CHD6: variants seen among roughly 807,000 people sequenced by gnomAD.
The protein encoded by CHD6 is chromodomain helicase DNA binding protein 6, also known as ATP-dependent chromatin remodeler CHD6.
Under a neutral mutation model 276.9 loss-of-function variants are expected in CHD6, and 50 were observed. The ratio of observed to expected loss-of-function variants is 0.18; its 90% CI spans 0.14 to 0.23. CHD6 has a LOEUF of 0.23. Among genes scored for constraint, CHD6 ranks in the 10% least tolerant of loss-of-function variants. The probability of loss-of-function intolerance (pLI) is 1.00; values close to 1 mark genes in which losing one functional copy is unlikely to be tolerated. For missense variants in CHD6, 2,564 were observed against 3,365.8 expected (o/e 0.76, Z 5.89); for synonymous variants, 1,173 against 1,229.3 (o/e 0.95, Z 0.96).
At chr20:41,483,200 C>T in intron 16 of CHD6, 109 bp downstream of exon 16, 1 of 937,056 alleles carries the variant, frequency 1.1e-6, no homozygotes. Flanking sequence ...TTCCTTTCCT[C>T]CGTTTTTGAA....
Position 41,534,224 on chromosome 20 carries a change from ATAACT to A in CHD6, c.34-659_34-655del, listed in dbSNP as rs1324574027. On this transcript the variant is annotated intron_variant, in intron 2 of 36. Transcript: ENST00000373233. ...CTTCTCCTTGGTCTGGAACAAAGAA[ATAACT>A]TAAGAAGAGCCTGGGAGGGACAAGC... 5.3e-5 allele frequency among the ~76,000 whole-genome samples: 8 copies of A among 152,364 alleles called. No individual in the cohort carries two copies. In the East Asian group the frequency reaches 1.3e-3, roughly 26 times the overall value.
intron 1 of CHD6, among the ~76,000 whole-genome samples, chr20:41,591,619 G>A (rs1288821771): frequency 6.6e-6 from 1 of 152,080 alleles, no homozygotes; most frequent in Non-Finnish European, 1.5e-5. Flanking sequence ...CTTGAACCCG[G>A]GAGGCGGAGG....
intron 5 of CHD6, among the ~76,000 whole-genome samples, chr20:41,507,723 AAAG>A (rs2044011085): frequency 6.6e-6 from 1 of 152,170 alleles, no homozygotes; most frequent in African/African-American, 2.4e-5. Context: ...ATTATCCTTC[AAAG>A]AAGACCATTT....
intron 2 of CHD6, chr20:41,547,458 G>A (rs1463523859): frequency 5.9e-6 from 2 of 339,934 alleles, no homozygotes; most frequent in South Asian, 5.2e-5. Context: ...GATTAGAGTC[G>A]TATACCTGAG....
At chr20:41,544,661 TTAA>T (rs1039094004) in intron 2 of CHD6, among the ~76,000 whole-genome samples, 7 of 150,404 alleles carry the variant, frequency 4.7e-5, no homozygotes, top group African/African-American at 1.2e-4. Context: ...TATAAATATT[TTAA>T]TGTTAATATT....
chr20:41,477,776 T>C (rs774771571), intron 16 of CHD6, among the ~76,000 whole-genome samples: 9 of 152,168 alleles, frequency 5.9e-5, no homozygotes, highest in Admixed American at 1.3e-4. Context: ...GGATCAAACA[T>C]TGGTGGCACT....
At chr20:41,583,081 AG>A (rs929753519) in intron 1 of CHD6, among the ~76,000 whole-genome samples, 3 of 152,076 alleles carry the variant, frequency 2.0e-5, no homozygotes, top group South Asian at 2.1e-4. Flanking sequence ...AGTATTTGGC[AG>A]GGGGGAAAAA....
rs2047934484 is a variant in CHD6, at chr20:41,442,600, C to A, written c.3878-2471G>T. 2.6e-5 allele frequency among the ~76,000 whole-genome samples: 4 copies of A among 152,196 alleles called. 1 individual carries two copies. The highest frequency in any genetic ancestry group is 2.6e-4 in the Admixed American group (4 of 15,284). Reference sequence around the variant, plus strand: ...ACACAATATCCCTGAAAAGTGAACACTAGACAGACTGGCTTTCTGAAAATG... The same window carrying A: ...ACACAATATCCCTGAAAAGTGAACAATAGACAGACTGGCTTTCTGAAAATG... On this transcript the variant is annotated intron_variant, in intron 25 of 36. Coordinates refer to ENST00000373233, the MANE Select transcript of CHD6 (RefSeq NM_032221.5).
chr20:41,440,688 CAG>C (rs1380399776), intron 25 of CHD6, among the ~76,000 whole-genome samples: 1 of 152,192 alleles, frequency 6.6e-6, no homozygotes, highest in Non-Finnish European at 1.5e-5. Flanking sequence ...AAGTTAACAA[CAG>C]ACAGTGTTTT....
rs1176278276 is a variant in CHD6, at chr20:41,473,459, C to T, written c.2527G>A (p.Asp843Asn). ...TCTGAATCTGGCTTACAGAACCGGT[C>T]GATGGCTGCCTGGCGCAGGTTTCCC... Reference protein sequence around the residue: ...VRGNLRQAAIDRFCKPDSDRF... With the variant: ...VRGNLRQAAINRFCKPDSDRF... The change falls in exon 17 of 37, where the codon GAC (aspartate) becomes AAC (asparagine). Residue 843 changes from aspartate (D) to asparagine (N), a missense_variant. Asp to Asn is a conservative substitution (Grantham distance 23). This residue lies in a region of CHD6 where 457 missense variants were observed against 889.0 expected (regional missense o/e 0.51). Coordinates refer to ENST00000373233, the MANE Select transcript of CHD6 (RefSeq NM_032221.5). This position sits in a 1 kb window ranked among gnomAD's most constrained non-coding sequence, Gnocchi z 4.1. The T allele has an allele frequency of 6.2e-7, 1 of 1,614,050 alleles. No homozygotes were observed. Among genetic ancestry groups the T allele is most frequent in the Non-Finnish European group, 8.5e-7 (1 of 1,179,982 alleles).
chr20:41,449,365 T>G (rs2048168395), intron 23 of CHD6, among the ~76,000 whole-genome samples: 2 of 152,134 alleles, frequency 1.3e-5, no homozygotes, highest in South Asian at 4.2e-4. Context: ...TCAATTAGAG[T>G]AGGGCTTTCC....
At chr20:41,476,013 T>C (rs79785744) in intron 16 of CHD6, among the ~76,000 whole-genome samples, 1 of 152,114 alleles carries the variant, frequency 6.6e-6, no homozygotes, top group Non-Finnish European at 1.5e-5. Context: ...TAAAAAAAAA[T>C]TGAATTATTT....
At chr20:41,594,570 C>T (rs1459847666) in intron 1 of CHD6, among the ~76,000 whole-genome samples, 1 of 152,212 alleles carries the variant, frequency 6.6e-6, no homozygotes, top group Non-Finnish European at 1.5e-5. Flanking sequence ...GACCTACCAC[C>T]CATTGTGATT....
At chr20:41,521,129 T>C (rs2044383223) in intron 3 of CHD6, among the ~76,000 whole-genome samples, 1 of 152,200 alleles carries the variant, frequency 6.6e-6, no homozygotes, top group Non-Finnish European at 1.5e-5. Context: ...AAGTTCTACA[T>C]ATTAAAACAT....
At chr20:41,422,999 G>A (rs1320704614) in intron 30 of CHD6, among the ~76,000 whole-genome samples, 1 of 152,216 alleles carries the variant, frequency 6.6e-6, no homozygotes, top group Admixed American at 6.5e-5. Flanking sequence ...CCTGAAGGAA[G>A]CTGTTGCAAG....
chr20:41,415,585 G>A lies in CHD6; in HGVS notation c.6540C>T (p.Pro2180=), dbSNP rs759845205. ...FTKDEQKHRR[P]YEFEVERDAK... is the part of the protein sequence containing the mutation. The stretch of plus-strand genomic sequence containing the variant: ...CATCCCTCTCCACCTCAAACTCATA[G>A]GGACGCCTGTGCTTTTGTTCATCCT... The change falls in exon 34 of 37, where the codon CCC becomes CCT. Residue 2180 remains proline (P), a synonymous_variant. Transcript: ENST00000373233. 2 of 1,612,188 alleles carry A rather than the reference G, an allele frequency of 1.2e-6. No homozygotes were observed. Among genetic ancestry groups the A allele is most frequent in the African/African-American group, 2.7e-5 (2 of 74,848 alleles).
At chr20:41,418,747 C>CT (rs1280843840) in intron 31 of CHD6, among the ~76,000 whole-genome samples, 1 of 152,122 alleles carries the variant, frequency 6.6e-6, no homozygotes, top group African/African-American at 2.4e-5. Flanking sequence ...TCTGGCCTAC[C>CT]TGTCCCACAC....
chr20:41,412,332 T>C, intron 35 of CHD6, 69 bp from the exon 36 acceptor site: 1 of 1,550,798 alleles, frequency 6.4e-7, no homozygotes, highest in Non-Finnish European at 8.8e-7. Flanking sequence ...GGCTGATGCT[T>C]TTCAACTGGT....
rs140327030 is a variant in CHD6, at chr20:41,425,223, C to T, written c.4301G>A (p.Arg1434Lys). The part of the protein sequence containing the change: ...QGYWVQEEMF[R>K]RTSEMDLINK... ...GATGAGGTCCATTTCTGAGGTTCTC[C>T]TGAACATCTCTTCCTGAACCCAATA... The change falls in exon 29 of 37, where the codon AGG becomes AAG. Residue 1434 changes from arginine (R) to lysine (K), a missense_variant. By Grantham distance (26) the Arg-to-Lys change is conservative (BLOSUM62 2). Around this residue, in one of 7 missense-constraint regions of CHD6, gnomAD observed 515 missense variants for 739.5 expected, o/e 0.70. Transcript: ENST00000373233. 2,315 of 1,614,098 alleles carry T rather than the reference C, an allele frequency of 1.4e-3. 4 individuals carry two copies. Among genetic ancestry groups the T allele is most frequent in the Non-Finnish European group, 1.8e-3 (2,182 of 1,180,054 alleles).
Sources: gnomAD v4.1 joint callset for allele counts (sites outside exome capture counted in the v4.1 genomes callset) on GRCh38, gnomAD v4.1.1 for gene constraint, gnomAD v4.1.1 regional missense constraint, Gnocchi (gnomAD v3.1) non-coding constraint, MANE v1.5 for transcripts, NCBI Gene and HGNC (gene_info 2026-07-23, HGNC 2026-07-21) for gene names.